CLEC16A: variants seen among roughly 807,000 people sequenced by gnomAD.
The protein encoded by CLEC16A is C-type lectin domain containing 16A, also known as protein CLEC16A.
A neutral mutation model predicts 109.5 loss-of-function variants in CLEC16A; 51 were observed. The ratio of observed to expected loss-of-function variants is 0.47; its 90% confidence interval spans 0.37 to 0.59. The LOEUF (loss-of-function observed/expected upper bound fraction) is 0.59. CLEC16A is among the 20% of genes least tolerant of loss of function. CLEC16A has a pLI of 0.00. For synonymous variants in CLEC16A, 673 were observed against 564.2 expected (o/e 1.19, Z -2.73); for missense variants, 1,339 against 1,394.0 (o/e 0.96, Z 0.63).
Position 11,039,865 on chromosome 16 carries a change from C to T in CLEC16A, c.1649C>T (p.Ala550Val). The change falls in exon 14 of 24, where the codon GCT (alanine) becomes GTT (valine). Residue 550 changes from alanine (A) to valine (V), a missense_variant. By Grantham distance (64) the Ala-to-Val change is moderately conservative. Transcript: ENST00000409790. ...AERLIRIMNN[A>V]AQPDGKIRLA... is the part of the protein sequence containing the mutation. ...AGACTCATCAGGATCATGAACAACGCTGCCCAGCCAGGTGCCCACTTGGGG... is the reference window on the plus strand; with the variant it reads ...AGACTCATCAGGATCATGAACAACGTTGCCCAGCCAGGTGCCCACTTGGGG... The T allele has an allele frequency of 6.2e-7, 1 of 1,612,740 alleles. No homozygotes were observed. The highest frequency in any genetic ancestry group is 8.5e-7 in the Non-Finnish European group (1 of 1,179,438).
At chr16:10,969,111 T>C in intron 3 of CLEC16A, 50 bp from the exon 4 acceptor site, 1 of 1,526,822 alleles carries the variant, frequency 6.5e-7, no homozygotes, top group Non-Finnish European at 8.9e-7. Flanking sequence ...TTACCTGGCT[T>C]ATCTTTCCTC....
At chr16:11,085,944 C>T (rs574942210) in intron 19 of CLEC16A, among the ~76,000 whole-genome samples, 3 of 152,292 alleles carry the variant, frequency 2.0e-5, no homozygotes, top group African/African-American at 4.8e-5. Context: ...CAAACCATAT[C>T]AGTACCTGTG....
At chr16:11,125,307 T>A (rs2052726283) in intron 21 of CLEC16A, among the ~76,000 whole-genome samples, 1 of 152,186 alleles carries the variant, frequency 6.6e-6, no homozygotes, top group African/African-American at 2.4e-5. Context: ...GAGTTTTTTT[T>A]TTTTCTTCAT....
At chr16:10,978,112 C>T (rs2043122296) in intron 8 of CLEC16A, among the ~76,000 whole-genome samples, 1 of 152,204 alleles carries the variant, frequency 6.6e-6, no homozygotes, top group Non-Finnish European at 1.5e-5. Flanking sequence ...AGGGATGGAG[C>T]ACACTCAGGG....
chr16:10,998,808 G>A (rs1439114636), intron 10 of CLEC16A, among the ~76,000 whole-genome samples: 1 of 152,160 alleles, frequency 6.6e-6, no homozygotes, highest in Non-Finnish European at 1.5e-5. Context: ...TGAGAGCACA[G>A]TGGCGAGAGG....
chr16:11,106,028 A>G (rs1486594266), intron 19 of CLEC16A, among the ~76,000 whole-genome samples: 1 of 152,194 alleles, frequency 6.6e-6, no homozygotes, highest in Non-Finnish European at 1.5e-5. Context: ...CTTCACAATG[A>G]TAGGATCCTG....
In CLEC16A at chr16:11,171,069, G is replaced by C. The variant is rs142586355; in HGVS notation, c.2806+4517G>C. On this transcript the variant is annotated intron_variant, in intron 23 of 23. Coordinates refer to ENST00000409790, the MANE Select transcript of CLEC16A (RefSeq NM_015226.3). ...CCTTTTGCCCATCTCCCTGGGGTCT[G>C]CCTGTACATTCTGTCTTCCCAAATG... Among the ~76,000 whole-genome samples, 17 of 152,342 alleles carry C rather than the reference G, an allele frequency of 1.1e-4. No individual in the cohort carries two copies. In the East Asian group the frequency reaches 3.1e-3, roughly 28 times the overall value.
intron 10 of CLEC16A, among the ~76,000 whole-genome samples, chr16:10,993,186 TAGACAACATGGTA>T (rs2044133762): frequency 6.6e-6 from 1 of 152,104 alleles, no homozygotes; most frequent in African/African-American, 2.4e-5. Context: ...GAGGCCAGCC[TAGACAACATGGTA>T]AGACCCTGTC....
rs576622769 is a variant in CLEC16A, at chr16:10,962,295, G to T, written c.210-160G>T. Among the ~76,000 whole-genome samples, 163 of 152,262 alleles carry T rather than the reference G, an allele frequency of 1.1e-3. 1 individual carries two copies. Among genetic ancestry groups the T allele is most frequent in the African/African-American group, 3.7e-3 (153 of 41,538 alleles). ...TAATTATATCTTATTCCTTTGCTGG[G>T]AATTCCAGTTGTGGCGGGTGACAAT... On this transcript the variant is annotated intron_variant, in intron 2 of 23. Transcript: ENST00000409790.
intron 1 of CLEC16A, among the ~76,000 whole-genome samples, chr16:10,948,512 A>C (rs984286792): frequency 2.0e-4 from 30 of 152,214 alleles, no homozygotes; most frequent in African/African-American, 7.2e-4. Flanking sequence ...GTCCACCACC[A>C]AGCGGAAGCC....
At chr16:11,117,782 A>G (rs1263927792) in intron 19 of CLEC16A, among the ~76,000 whole-genome samples, 1 of 152,128 alleles carries the variant, frequency 6.6e-6, no homozygotes, top group Non-Finnish European at 1.5e-5. Flanking sequence ...AAAAAATTGC[A>G]CTCAAATAGT....
At chr16:10,952,135 C>T (rs8059156) in intron 1 of CLEC16A, among the ~76,000 whole-genome samples, 20,620 of 152,272 alleles carry the variant, frequency 0.14, 1,366 homozygotes, top group African/African-American at 0.15. Context: ...GTTGCCGTTT[C>T]TCTTTCATTG....
rs186776058 is a variant in CLEC16A at position 11,116,479 on chromosome 16, C to T, written c.2117-4136C>T. On this transcript the variant is annotated intron_variant, in intron 19 of 23. Transcript: ENST00000409790. ...TGCTGTGGGGGTACCTGGCTGACTT[C>T]GGGGGTCATGTGCTGGAGAGAATAG... is the stretch of plus-strand genomic sequence containing the variant. 1.2e-3 allele frequency among the ~76,000 whole-genome samples: 177 copies of T among 152,056 alleles called. 5 individuals are homozygous for T. Among genetic ancestry groups the T allele is most frequent in the Admixed American group, 0.011 (169 of 15,268 alleles).
At chr16:11,054,105 G>A (rs2048087505) in intron 18 of CLEC16A, among the ~76,000 whole-genome samples, 1 of 152,250 alleles carries the variant, frequency 6.6e-6, no homozygotes, top group Admixed American at 6.5e-5. Flanking sequence ...TGATGAGGCT[G>A]GGGGTGCTGG....
chr16:11,173,195 C>T (rs1048935892), intron 23 of CLEC16A, among the ~76,000 whole-genome samples: 3 of 152,130 alleles, frequency 2.0e-5, no homozygotes, highest in Non-Finnish European at 4.4e-5. Flanking sequence ...AGTAAGATAT[C>T]GTCCCTTTTC....
rs915536952 is a variant in CLEC16A at position 11,105,695 on chromosome 16, C to T, written c.2117-14920C>T. Among the ~76,000 whole-genome samples the T allele has an allele frequency of 3.9e-5, 6 of 152,210 alleles. No individual in the cohort carries two copies. In the South Asian group the frequency reaches 8.3e-4, roughly 21 times the overall value. ...AGCCTGTGGGTACCTGAGATTGAGG[C>T]ACCCAGCCTCCCCAAGCCTTCAGCT... On this transcript the variant is annotated intron_variant, in intron 19 of 23. Coordinates refer to ENST00000409790, the MANE Select transcript of CLEC16A (RefSeq NM_015226.3).
intron 1 of CLEC16A, among the ~76,000 whole-genome samples, chr16:10,952,423 G>C (rs1031025685): frequency 6.6e-6 from 1 of 152,198 alleles, no homozygotes; most frequent in African/African-American, 2.4e-5. Context: ...GAACCTAAGA[G>C]GCGGAGGCCG....
chr16:10,986,774 T>C (rs542740909), intron 10 of CLEC16A, among the ~76,000 whole-genome samples: 2 of 146,260 alleles, frequency 1.4e-5, no homozygotes, highest in African/African-American at 5.1e-5. Flanking sequence ...CCAAGAAATA[T>C]ACCACATTTT....
chr16:11,094,336 C>A (rs572317002), intron 19 of CLEC16A, among the ~76,000 whole-genome samples: 11 of 152,176 alleles, frequency 7.2e-5, no homozygotes, highest in South Asian at 4.1e-4. Context: ...GCAGGCCGAG[C>A]CTGATAAGTT....
Sources: gnomAD v4.1 joint callset for allele counts (sites outside exome capture counted in the v4.1 genomes callset) on GRCh38, gnomAD v4.1.1 for gene constraint, MANE v1.5 for transcripts, NCBI Gene and HGNC (gene_info 2026-07-23, HGNC 2026-07-21) for gene names.